The following IMPG1 variants were observed in gnomAD, a reference collection of about 807,000 sequenced individuals.
IMPG1 encodes interphotoreceptor matrix proteoglycan 1.
In IMPG1, 85 loss-of-function variants were observed where a neutral mutation model predicts 92.0. The ratio of observed to expected loss-of-function variants is 0.92; its 90% CI spans 0.78 to 1.11. IMPG1 has a LOEUF of 1.11. Ranked by LOEUF, IMPG1 falls within the 50% of genes least tolerant of loss-of-function variation. IMPG1 has a pLI of 0.00. For synonymous variants in IMPG1, 367 were observed against 334.1 expected (o/e 1.10, Z -1.08); for missense variants, 1,022 against 956.0 (o/e 1.07, Z -0.91).
rs112762892 is a variant in IMPG1, at chr6:75,927,037, C to A, written c.2244-3331G>T. ...GCTAAATTTACAGTTCTTTAGAGAA[C>A]GCTGTTTTCAAAGTTGCAGCACTTG... On this transcript the variant is annotated intron_variant, in intron 15 of 16. Transcript: ENST00000369950. Among the ~76,000 whole-genome samples, 176 of 152,226 alleles carry A rather than the reference C, an allele frequency of 1.2e-3. 1 individual carries two copies. The highest frequency in any genetic ancestry group is 4.1e-3 in the African/African-American group (169 of 41,520).
chr6:76,035,527 A>C (rs1480587329), intron 2 of IMPG1, among the ~76,000 whole-genome samples: 1 of 144,316 alleles, frequency 6.9e-6, no homozygotes, highest in African/African-American at 2.5e-5. Context: ...AAAAAAAAGA[A>C]AAATGTGGCA....
At chr6:75,984,249 G>A (rs972150349) in intron 12 of IMPG1, among the ~76,000 whole-genome samples, 3 of 152,122 alleles carry the variant, frequency 2.0e-5, no homozygotes, top group African/African-American at 7.2e-5. Flanking sequence ...TCAATATGTT[G>A]AAAAGATATT....
At position 76,041,967 on chromosome 6, in the gene IMPG1, G is replaced by T. The variant is rs539911139; in HGVS notation, c.227C>A (p.Thr76Lys). 2 of 1,613,908 alleles carry T rather than the reference G, an allele frequency of 1.2e-6. No individual in the cohort carries two copies. The highest frequency in any genetic ancestry group is 1.7e-6 in the Non-Finnish European group (2 of 1,179,866). The change falls in exon 2 of 17, where the codon ACG becomes AAG. Residue 76 changes from threonine (T) to lysine (K), a missense_variant. Thr to Lys is a moderately conservative substitution (Grantham distance 78). Transcript: ENST00000369950. ...HRTKRSAFFP[T>K]GVKVCPQESM... Reference sequence around the variant, plus strand: ...TTCCTGTGGACAGACTTTAACCCCCGTTGGGAAAAATGCGGATCTTTTTGT... The same window carrying T: ...TTCCTGTGGACAGACTTTAACCCCCTTTGGGAAAAATGCGGATCTTTTTGT...
At chr6:76,043,633 G>A (rs1783883979) in intron 1 of IMPG1, among the ~76,000 whole-genome samples, 1 of 152,062 alleles carries the variant, frequency 6.6e-6, no homozygotes, top group Non-Finnish European at 1.5e-5. Context: ...AAAATCCTTG[G>A]GTAATTTCAA....
intron 12 of IMPG1, among the ~76,000 whole-genome samples, chr6:75,974,471 C>G (rs1444867620): frequency 8.6e-6 from 1 of 116,430 alleles, no homozygotes; most frequent in Non-Finnish European, 1.9e-5. Context: ...TTCTTTCTTT[C>G]TTTTTCTTTT....
At chr6:75,979,350 G>C (rs112169737) in intron 12 of IMPG1, among the ~76,000 whole-genome samples, 11 of 152,298 alleles carry the variant, frequency 7.2e-5, no homozygotes, top group African/African-American at 2.6e-4. Flanking sequence ...GTTGTGTAGA[G>C]GTGGATGGAA....
At chr6:75,936,355 AT>A (rs1368713469) in intron 14 of IMPG1, among the ~76,000 whole-genome samples, 4 of 152,340 alleles carry the variant, frequency 2.6e-5, no homozygotes, top group African/African-American at 9.6e-5. Context: ...ATCTTAAAAT[AT>A]ATATGTTTAA....
intron 1 of IMPG1, among the ~76,000 whole-genome samples, chr6:76,070,788 G>C (rs995423164): frequency 6.6e-6 from 1 of 151,938 alleles, no homozygotes; most frequent in Admixed American, 6.6e-5. Flanking sequence ...GACATAGAGA[G>C]TGGAACAATA....
At chr6:76,067,633 TA>T (rs142526705) in intron 1 of IMPG1, among the ~76,000 whole-genome samples, 3,804 of 152,240 alleles carry the variant, frequency 0.025, 177 homozygotes, top group African/African-American at 0.087. Flanking sequence ...GTACCAATCT[TA>T]CTGAAACTAT....
chr6:75,990,410 A>C (rs1427120731), intron 12 of IMPG1, among the ~76,000 whole-genome samples: 2 of 152,164 alleles, frequency 1.3e-5, no homozygotes, highest in African/African-American at 2.4e-5. Context: ...TCAATAGTCA[A>C]AATGTTAAAT....
At chr6:75,976,524 G>T (rs2149467883) in intron 12 of IMPG1, among the ~76,000 whole-genome samples, 1 of 152,194 alleles carries the variant, frequency 6.6e-6, no homozygotes, top group African/African-American at 2.4e-5. Flanking sequence ...TTGTGCCACT[G>T]CACTCCAGCC....
At chr6:76,065,543 A>G (rs1015204690) in intron 1 of IMPG1, among the ~76,000 whole-genome samples, 2 of 152,132 alleles carry the variant, frequency 1.3e-5, no homozygotes, top group Non-Finnish European at 2.9e-5. Flanking sequence ...AGAATAAAAA[A>G]ATTTTAAAAA....
chr6:75,924,500 A>ATATAATATAATTAATATAATTATATAT (rs374475996), intron 15 of IMPG1, among the ~76,000 whole-genome samples: 5,372 of 86,498 alleles, frequency 0.062, 495 homozygotes, highest in Non-Finnish European at 0.075. Context: ...TAATATAATT[A>ATATAATATAATTAATATAATTATATAT]TATAATATAA....
At chr6:75,962,179 G>T (rs183315768) in intron 12 of IMPG1, among the ~76,000 whole-genome samples, 7 of 152,134 alleles carry the variant, frequency 4.6e-5, no homozygotes, top group Middle Eastern at 6.8e-3. Context: ...GAGTGCAGTG[G>T]CATGATCACG....
chr6:75,947,825 A>C (rs186176864), intron 13 of IMPG1, among the ~76,000 whole-genome samples: 1 of 151,484 alleles, frequency 6.6e-6, no homozygotes, highest in Non-Finnish European at 1.5e-5. Flanking sequence ...AGCCAATGCT[A>C]TTAGCAAAGC....
At position 75,947,311 on chromosome 6, in the gene IMPG1, T is replaced by C; in HGVS notation, c.2044+3A>G. The C allele has an allele frequency of 4.3e-6, 7 of 1,609,638 alleles. No individual in the cohort carries two copies. The highest frequency in any genetic ancestry group is 5.1e-6 in the Non-Finnish European group (6 of 1,176,076). On this transcript the variant is annotated splice_donor_region_variant and intron_variant, in intron 14 of 16. Transcript: ENST00000369950. Reference sequence around the variant, plus strand: ...TACCACTTTCTGGGTTGGATTCTTTTACCTGGTTCAATGTTGAGAGAGTAG... The same window carrying C: ...TACCACTTTCTGGGTTGGATTCTTTCACCTGGTTCAATGTTGAGAGAGTAG...
intron 14 of IMPG1, among the ~76,000 whole-genome samples, chr6:75,934,642 G>T (rs1404965358): frequency 6.6e-6 from 1 of 152,108 alleles, no homozygotes; most frequent in African/African-American, 2.4e-5. Context: ...GGTCCCTGTT[G>T]GTCCAAGACT....
chr6:75,979,055 G>T (rs1782584448), intron 12 of IMPG1, among the ~76,000 whole-genome samples: 1 of 152,072 alleles, frequency 6.6e-6, no homozygotes, highest in South Asian at 2.1e-4. Flanking sequence ...TGTGACTACA[G>T]GTGTGTGCCA....
At chr6:76,007,622 T>A in intron 8 of IMPG1, 122 bp from the exon 9 acceptor site, 1 of 660,098 alleles carries the variant, frequency 1.5e-6, no homozygotes, top group Non-Finnish European at 2.5e-6. Context: ...CATTGTCTCT[T>A]TTGTTTGTTC....
Sources: allele counts gnomAD v4.1 joint callset (sites outside exome capture counted in the v4.1 genomes callset), GRCh38; gene constraint gnomAD v4.1.1; transcripts MANE v1.5; gene names NCBI Gene and HGNC (gene_info 2026-07-23, HGNC 2026-07-21).